The following MSH3 variants were observed in gnomAD, a reference collection of about 807,000 sequenced individuals.
MSH3 encodes the protein DNA mismatch repair protein Msh3.
MSH3 carries 106 observed loss-of-function variants against 123.3 expected under a neutral mutation model. That is an observed-to-expected ratio of 0.86 (90% confidence interval 0.73 to 1.01). The LOEUF is 1.01. Among genes scored for constraint, MSH3 ranks in the 50% least tolerant of loss-of-function variants. MSH3 has a pLI of 0.00. For synonymous variants in MSH3, 515 were observed against 481.4 expected (o/e 1.07, Z -0.91); for missense variants, 1,459 against 1,347.6 (o/e 1.08, Z -1.29).
Position 80,693,330 on chromosome 5 carries a change from A to G in MSH3, c.1340+14237A>G, listed in dbSNP as rs1309415137. Among the ~76,000 whole-genome samples, 19 of 36,648 alleles carry G rather than the reference A, an allele frequency of 5.2e-4. 7 individuals carry two copies. The highest frequency in any genetic ancestry group is 1.6e-3 in the Admixed American group (5 of 3,190). 24.0% of individuals were successfully genotyped at this position (36,648 alleles called of 152,430 possible). A position where few individuals can be genotyped will look rare whatever the true frequency, so the allele number is the denominator to read the frequency against. ...GCACATGTATATGTTTATATAGATA[A>G]ATATACATGCACATGTATATGTTTA... On this transcript the variant is annotated intron_variant, in intron 8 of 23. Transcript: ENST00000265081.
At chr5:80,664,347 A>G (rs1749514856) in intron 2 of MSH3, among the ~76,000 whole-genome samples, 1 of 152,190 alleles carries the variant, frequency 6.6e-6, no homozygotes, top group African/African-American at 2.4e-5. Flanking sequence ...GTCAATATCA[A>G]GTCTTTCCGC....
At chr5:80,739,942 A>T (rs1323314021) in intron 10 of MSH3, among the ~76,000 whole-genome samples, 1 of 152,168 alleles carries the variant, frequency 6.6e-6, no homozygotes, top group Non-Finnish European at 1.5e-5. Context: ...TGTTACCTAA[A>T]TTTCATTATA....
rs373283301 is a variant in MSH3 at position 80,835,566 on chromosome 5, C to A, written c.2814-18564C>A. 1.2e-4 allele frequency among the ~76,000 whole-genome samples: 18 copies of A among 152,110 alleles called. No homozygotes were observed. The South Asian group carries it at 3.7e-3, about 32-fold the overall frequency. On this transcript the variant is annotated intron_variant, in intron 20 of 23. Transcript: ENST00000265081. ...AAAGGCATTTTTACACTAATTAGGT[C>A]ATTGTGAAAAAGAAAAATTGGAGTT...
chr5:80,720,014 T>A (rs762351475), intron 8 of MSH3, among the ~76,000 whole-genome samples: 7 of 152,150 alleles, frequency 4.6e-5, no homozygotes, highest in Non-Finnish European at 7.4e-5. Context: ...ATGCTACTGG[T>A]CTGGTGACCA....
At position 80,654,678 on chromosome 5, in the gene MSH3, C is replaced by T. The variant is rs2250063; in HGVS notation, c.-50C>T. On this transcript the variant is annotated 5_prime_UTR_variant, in exon 1 of 24. Coordinates refer to ENST00000265081, the MANE Select transcript of MSH3 (RefSeq NM_002439.5). ...GACGCCTGGGAACTGCGGCCGCGGG[C>T]TCGCGCTCCTCGCCAGGCCCTGCCG... 0.26 allele frequency: 403,161 copies of T among 1,530,480 alleles called. 56,199 individuals are homozygous for T. The highest frequency in any genetic ancestry group is 0.42 in the Middle Eastern group (2,419 of 5,734). The allele number at this position is 1,530,480 out of a possible 1,614,324, so 94.8% of individuals were successfully genotyped here.
At chr5:80,727,491 G>T (rs1189406253) in intron 9 of MSH3, among the ~76,000 whole-genome samples, 2 of 152,138 alleles carry the variant, frequency 1.3e-5, no homozygotes, top group African/African-American at 4.8e-5. Flanking sequence ...AAAGTAAAGT[G>T]CCTGCCCTCA....
At chr5:80,842,056 T>G (rs1314820665) in intron 20 of MSH3, among the ~76,000 whole-genome samples, 1 of 152,238 alleles carries the variant, frequency 6.6e-6, no homozygotes, top group Non-Finnish European at 1.5e-5. Context: ...ATGTAAGTAT[T>G]TAATCCATCT....
chr5:80,794,879 C>G (rs1264875795), intron 19 of MSH3, among the ~76,000 whole-genome samples: 1 of 152,188 alleles, frequency 6.6e-6, no homozygotes, highest in East Asian at 1.9e-4. Context: ...CTTCTGAACC[C>G]TGAACCCTGA....
At chr5:80,703,423 A>AT (rs1191698474) in intron 8 of MSH3, among the ~76,000 whole-genome samples, 1 of 152,150 alleles carries the variant, frequency 6.6e-6, no homozygotes, top group African/African-American at 2.4e-5. Context: ...CCCATACAGA[A>AT]TTTCTATTGC....
intron 22 of MSH3, among the ~76,000 whole-genome samples, chr5:80,869,173 G>A (rs138604620): frequency 1.3e-5 from 2 of 152,256 alleles, no homozygotes; most frequent in African/African-American, 4.8e-5. Context: ...TGTTCTAAAA[G>A]CAACTTCAGA....
At chr5:80,829,479 G>A (rs536220505) in intron 20 of MSH3, among the ~76,000 whole-genome samples, 11 of 152,194 alleles carry the variant, frequency 7.2e-5, no homozygotes, top group South Asian at 2.1e-4. Flanking sequence ...CTTTCTATGC[G>A]TCTGTTGATA....
chr5:80,654,873 CTGGCGCTGCAGCGGCT>C lies in MSH3; in HGVS notation c.147_162del (p.Gly50GlnfsTer25). 6.3e-7 allele frequency: 1 copy of C among 1,599,078 alleles called. No homozygotes were observed. The highest frequency in any genetic ancestry group is 8.5e-7 in the Non-Finnish European group (1 of 1,174,040). ...ACAGGTGCAGCCGACCAGGTGGACC[CTGGCGCTGCAGCGGCT>C]GCAGCGGCCGCAGCGGCCGCAGCGC... On this transcript the variant is annotated frameshift_variant, in exon 1 of 24. Transcript: ENST00000265081. LOFTEE classifies it high-confidence loss of function.
At chr5:80,831,132 T>C (rs999552186) in intron 20 of MSH3, among the ~76,000 whole-genome samples, 11 of 152,302 alleles carry the variant, frequency 7.2e-5, no homozygotes, top group Admixed American at 5.9e-4. Flanking sequence ...AAATAATAAG[T>C]CAGGGATTGT....
intron 8 of MSH3, among the ~76,000 whole-genome samples, chr5:80,704,921 A>T (rs1750685517): frequency 6.6e-6 from 1 of 152,118 alleles, no homozygotes; most frequent in African/African-American, 2.4e-5. Context: ...GAGAGCACAG[A>T]ATAATGGTCT....
At chr5:80,763,272 A>G (rs1744073051) in intron 13 of MSH3, among the ~76,000 whole-genome samples, 1 of 152,210 alleles carries the variant, frequency 6.6e-6, no homozygotes, top group African/African-American at 2.4e-5. Flanking sequence ...GAGGTGCCCA[A>G]GAGGACTTAC....
chr5:80,719,425 A>C (rs1751034835), intron 8 of MSH3, among the ~76,000 whole-genome samples: 1 of 152,174 alleles, frequency 6.6e-6, no homozygotes, highest in Non-Finnish European at 1.5e-5. Flanking sequence ...TTAAGAACTC[A>C]TTAAAAAATA....
intron 20 of MSH3, among the ~76,000 whole-genome samples, chr5:80,840,295 G>A (rs2112089522): frequency 6.6e-6 from 1 of 152,268 alleles, no homozygotes; most frequent in South Asian, 2.1e-4. Context: ...GACAAAACAA[G>A]CAATGGGGAA....
intron 3 of MSH3, among the ~76,000 whole-genome samples, chr5:80,667,045 T>A (rs1677640): frequency 0.28 from 42,214 of 152,042 alleles, 6,103 homozygotes; most frequent in Middle Eastern, 0.35. Context: ...ACACAAGTTT[T>A]CCTATATAAC....
At chr5:80,873,396 C>T (rs1274851639) in intron 23 of MSH3, 109 bp downstream of exon 23, 1 of 1,076,828 alleles carries the variant, frequency 9.3e-7, no homozygotes, top group African/African-American at 1.6e-5. Flanking sequence ...TTAAGCACCT[C>T]TTCAAATATT....
Sources: allele counts gnomAD v4.1 joint callset (sites outside exome capture counted in the v4.1 genomes callset), GRCh38; gene constraint gnomAD v4.1.1; transcripts MANE v1.5; gene names NCBI Gene and HGNC (gene_info 2026-07-23, HGNC 2026-07-21).